Variants in SHISA9 observed in about 807,000 individuals in gnomAD.
SHISA9 encodes the protein protein shisa-9.
In SHISA9, 13 loss-of-function variants were observed where a neutral mutation model predicts 38.0. The ratio of observed to expected loss-of-function variants is 0.34; its 90% CI spans 0.22 to 0.54. The LOEUF is 0.54. Ranked by LOEUF, SHISA9 falls within the 20% of genes least tolerant of loss-of-function variation. The pLI is 0.91. For synonymous variants in SHISA9, 275 were observed against 242.0 expected, an observed-to-expected ratio of 1.14 and a Z score of -1.27; for missense variants, 538 against 575.8, an observed-to-expected ratio of 0.93 and a Z score of 0.67.
chr16:13,110,355 G>T (rs2073966226), intron 2 of SHISA9, among the ~76,000 whole-genome samples: 2 of 152,226 alleles, frequency 1.3e-5, no homozygotes, highest in Admixed American at 1.3e-4. Context: ...AGATGGGACA[G>T]ATGCAGTGGC....
At chr16:12,971,850 G>A (rs1005747998) in intron 2 of SHISA9, among the ~76,000 whole-genome samples, 1 of 152,118 alleles carries the variant, frequency 6.6e-6, no homozygotes, top group Non-Finnish European at 1.5e-5. Context: ...CTCAATTTTA[G>A]TGGTACCCAG....
chr16:13,266,700 G>T, the SHISA9 span, among the ~76,000 whole-genome samples: 1 of 152,188 alleles, frequency 6.6e-6, no homozygotes, highest in African/African-American at 2.4e-5. Flanking sequence ...TGGGGACCCT[G>T]CTGGAGGAGA....
the SHISA9 span, among the ~76,000 whole-genome samples, chr16:13,421,802 A>G: frequency 6.6e-6 from 1 of 152,184 alleles, no homozygotes; most frequent in Non-Finnish European, 1.5e-5. Flanking sequence ...CAACTCTCAC[A>G]TGAAATCTCA....
intron 2 of SHISA9, among the ~76,000 whole-genome samples, chr16:13,105,826 G>A (rs1464716361): frequency 6.6e-6 from 1 of 152,196 alleles, no homozygotes; most frequent in Non-Finnish European, 1.5e-5. Context: ...CCGGGGTACA[G>A]AGCTTCTAGG....
intron 2 of SHISA9, among the ~76,000 whole-genome samples, chr16:13,016,614 T>C (rs1430232784): frequency 1.3e-5 from 2 of 152,228 alleles, no homozygotes; most frequent in East Asian, 3.8e-4. Flanking sequence ...CGTTTTTGTT[T>C]ATATTAGGCA....
At chr16:13,168,200 G>T (rs2050654447) in intron 2 of SHISA9, among the ~76,000 whole-genome samples, 1 of 152,138 alleles carries the variant, frequency 6.6e-6, no homozygotes. Context: ...CTGACTCAGG[G>T]TTGATTACCC....
At chr16:13,302,353 T>C in the SHISA9 span, among the ~76,000 whole-genome samples, 1 of 152,212 alleles carries the variant, frequency 6.6e-6, no homozygotes, top group African/African-American at 2.4e-5. Flanking sequence ...GCCTCCCCTA[T>C]AAATAGTTCT....
At chr16:13,502,014 A>AAG in the SHISA9 span, among the ~76,000 whole-genome samples, 1 of 151,900 alleles carries the variant, frequency 6.6e-6, no homozygotes, top group Admixed American at 6.6e-5. Context: ...AAAAAAAAAA[A>AAG]TTGCTGAAAG....
chr16:13,421,313 A>G, the SHISA9 span, among the ~76,000 whole-genome samples: 61,847 of 152,046 alleles, frequency 0.41, 12,817 homozygotes, highest in Non-Finnish European at 0.44. Flanking sequence ...CAAGACTAGG[A>G]AGAAAAAGAG....
At chr16:13,368,803 G>A in the SHISA9 span, among the ~76,000 whole-genome samples, 35 of 151,544 alleles carry the variant, frequency 2.3e-4, no homozygotes, top group Non-Finnish European at 4.0e-4. Context: ...TGTTTACTTC[G>A]ACTTCAAAAT....
At chr16:13,333,436 T>A in the SHISA9 span, among the ~76,000 whole-genome samples, 2 of 152,150 alleles carry the variant, frequency 1.3e-5, no homozygotes, top group Admixed American at 1.3e-4. Flanking sequence ...TGTGTATGGA[T>A]CCCAGACACT....
At chr16:13,259,728 T>C in the SHISA9 span, among the ~76,000 whole-genome samples, 1 of 152,198 alleles carries the variant, frequency 6.6e-6, no homozygotes, top group African/African-American at 2.4e-5. Context: ...AAGCCGTATG[T>C]TGGCCCCATT....
At chr16:13,332,734 C>T in the SHISA9 span, among the ~76,000 whole-genome samples, 1 of 152,058 alleles carries the variant, frequency 6.6e-6, no homozygotes. Flanking sequence ...AGGGTGTGAC[C>T]CCAGGAGGAC....
At chr16:13,386,005 G>C in the SHISA9 span, among the ~76,000 whole-genome samples, 6 of 152,198 alleles carry the variant, frequency 3.9e-5, no homozygotes, top group Non-Finnish European at 8.8e-5. Context: ...GGAAGTGTGT[G>C]TGAGTAAGAA....
intron 2 of SHISA9, among the ~76,000 whole-genome samples, chr16:13,087,512 G>A (rs899027301): frequency 1.3e-5 from 2 of 152,058 alleles, no homozygotes; most frequent in African/African-American, 2.4e-5. Flanking sequence ...TTTAATGATC[G>A]CCATTCTAAA....
the SHISA9 span, among the ~76,000 whole-genome samples, chr16:13,399,551 T>C: frequency 2.2e-3 from 340 of 152,342 alleles, no homozygotes; most frequent in Non-Finnish European, 3.2e-3. Flanking sequence ...CATGTTCTCG[T>C]CACCCCTTCT....
chr16:13,297,848 C>T, the SHISA9 span, among the ~76,000 whole-genome samples: 6 of 152,288 alleles, frequency 3.9e-5, no homozygotes, highest in Non-Finnish European at 7.3e-5. Context: ...CCTCTACCTC[C>T]GAGGTCCAAG....
the SHISA9 span, among the ~76,000 whole-genome samples, chr16:13,556,348 C>T: frequency 6.6e-6 from 1 of 152,266 alleles, no homozygotes; most frequent in East Asian, 1.9e-4. Flanking sequence ...CACAGTCTGA[C>T]TCCAGAGTTC....
At chr16:13,150,042 A>G (rs1257342899) in intron 2 of SHISA9, among the ~76,000 whole-genome samples, 1 of 149,578 alleles carries the variant, frequency 6.7e-6, no homozygotes, top group Non-Finnish European at 1.5e-5. Context: ...AAAAAAAAAA[A>G]AAAAAAAAAA....
Sources: gnomAD v4.1 joint callset for allele counts (sites outside exome capture counted in the v4.1 genomes callset) on GRCh38, gnomAD v4.1.1 for gene constraint, MANE v1.5 for transcripts, NCBI Gene and HGNC (gene_info 2026-07-23, HGNC 2026-07-21) for gene names.